GRIN2A: variants seen among roughly 807,000 people sequenced by gnomAD.
GRIN2A encodes the protein glutamate ionotropic receptor NMDA type subunit 2A.
GRIN2A carries 22 observed loss-of-function variants against 113.4 expected under a neutral mutation model. The observed-to-expected ratio is 0.19, with a 90% CI of 0.14 to 0.28. GRIN2A has a LOEUF of 0.28. GRIN2A is among the 10% of genes least tolerant of loss of function. GRIN2A has a pLI of 1.00. For missense variants in GRIN2A, 1,502 were observed against 1,887.0 expected (o/e 0.80, Z 3.78); for synonymous variants, 827 against 738.4 (o/e 1.12, Z -1.94).
chr16:9,892,023 G>A (rs2043704522), intron 3 of GRIN2A, among the ~76,000 whole-genome samples: 1 of 152,186 alleles, frequency 6.6e-6, no homozygotes, highest in African/African-American at 2.4e-5. Flanking sequence ...GAAGTCAGGA[G>A]TTCGAGACCA....
chr16:9,966,432 C>T (rs2045557739), intron 2 of GRIN2A, among the ~76,000 whole-genome samples: 1 of 152,184 alleles, frequency 6.6e-6, no homozygotes, highest in African/African-American at 2.4e-5. Flanking sequence ...ATCCATGTCC[C>T]TGCACAGGAC....
intron 2 of GRIN2A, among the ~76,000 whole-genome samples, chr16:10,097,545 C>A (rs573856514): frequency 1.3e-5 from 2 of 152,256 alleles, no homozygotes; most frequent in Admixed American, 6.5e-5. Flanking sequence ...TGCTCTTCCT[C>A]CTGGTCCCTA....
chr16:9,862,168 T>C (rs756604594), intron 4 of GRIN2A, among the ~76,000 whole-genome samples: 32 of 152,326 alleles, frequency 2.1e-4, no homozygotes, highest in Non-Finnish European at 3.4e-4. Context: ...AAGAACAAGA[T>C]GGAAATCTTT....
intron 7 of GRIN2A, among the ~76,000 whole-genome samples, chr16:9,840,059 A>G (rs1350198742): frequency 1.3e-5 from 2 of 152,200 alleles, no homozygotes; most frequent in African/African-American, 4.8e-5. Context: ...CAGAGGCCGC[A>G]GTAAGCCAAG....
At chr16:9,834,451 G>A (rs556033377) in intron 7 of GRIN2A, among the ~76,000 whole-genome samples, 15 of 152,102 alleles carry the variant, frequency 9.9e-5, no homozygotes, top group East Asian at 9.7e-4. Context: ...GCACAATTTC[G>A]ACTTGCTGCA....
chr16:9,769,396 A>G (rs1901119673), intron 11 of GRIN2A, among the ~76,000 whole-genome samples: 1 of 146,676 alleles, frequency 6.8e-6, no homozygotes, highest in South Asian at 2.1e-4. Context: ...TATTATATAC[A>G]TATATAATAT....
chr16:9,998,363 A>T (rs930902704), intron 2 of GRIN2A, among the ~76,000 whole-genome samples: 1 of 152,200 alleles, frequency 6.6e-6, no homozygotes, highest in African/African-American at 2.4e-5. Context: ...GACAGAAATT[A>T]GATTATTGGT....
intron 2 of GRIN2A, among the ~76,000 whole-genome samples, chr16:10,050,911 CAT>C (rs1222232310): frequency 5.9e-5 from 9 of 152,164 alleles, no homozygotes; most frequent in Non-Finnish European, 8.8e-5. Context: ...TCCTCCAAAA[CAT>C]ATAATTTATA....
At chr16:10,040,927 G>A (rs1278290758) in intron 2 of GRIN2A, among the ~76,000 whole-genome samples, 2 of 152,184 alleles carry the variant, frequency 1.3e-5, no homozygotes, top group Non-Finnish European at 2.9e-5. Context: ...CCCCTCTGCC[G>A]CAGGCTGGAA....
At chr16:9,823,832 C>G (rs767529073) in intron 9 of GRIN2A, among the ~76,000 whole-genome samples, 6 of 152,136 alleles carry the variant, frequency 3.9e-5, no homozygotes, top group Admixed American at 6.5e-5. Context: ...CTCTATCATT[C>G]CTCAGAGACC....
chr16:9,910,771 C>G (rs2044119393), intron 3 of GRIN2A, among the ~76,000 whole-genome samples: 1 of 152,116 alleles, frequency 6.6e-6, no homozygotes, highest in South Asian at 2.1e-4. Context: ...CTCCTGACCT[C>G]AGACCATCTG....
intron 2 of GRIN2A, chr16:10,033,632 T>C (rs1388650025): frequency 6.6e-6 from 1 of 152,206 alleles, no homozygotes; most frequent in Non-Finnish European, 1.5e-5. Flanking sequence ...TGCTCAGAAA[T>C]GAAAGCTATG....
intron 2 of GRIN2A, among the ~76,000 whole-genome samples, chr16:10,165,436 G>T (rs569777815): frequency 6.7e-6 from 1 of 148,756 alleles, no homozygotes; most frequent in South Asian, 2.1e-4. Flanking sequence ...AAATACATAT[G>T]TATAGATTAC....
chr16:10,005,237 A>C (rs2046385752), intron 2 of GRIN2A, among the ~76,000 whole-genome samples: 1 of 152,218 alleles, frequency 6.6e-6, no homozygotes, highest in African/African-American at 2.4e-5. Context: ...TATTGATATA[A>C]AAAGTGACAG....
Position 9,834,165 on chromosome 16 carries a change from C to G in GRIN2A, c.1717G>C (p.Val573Leu), listed in dbSNP as rs765726510. ...GGGCTGAAGTATTCAAAGACAAAAA[C>G]AGCTATGGCAGAAACAATGAGCAGC... ...VMLLIVSAIA[V>L]FVFEYFSPVG... Residue 573 changes from valine (V) to leucine (L), a missense_variant, in exon 8 of 13, where the codon GTT becomes CTT. This residue lies in a region of GRIN2A where 82 missense variants were observed against 222.7 expected (regional missense o/e 0.37). Transcript: ENST00000330684. 6.2e-7 allele frequency: 1 copy of G among 1,613,506 alleles called. No individual in the cohort carries two copies. Among genetic ancestry groups the G allele is most frequent in the Non-Finnish European group, 8.5e-7 (1 of 1,179,450 alleles).
At chr16:10,029,194 C>CT (rs898532047) in intron 2 of GRIN2A, among the ~76,000 whole-genome samples, 68 of 147,466 alleles carry the variant, frequency 4.6e-4, no homozygotes, top group Admixed American at 1.2e-3. Flanking sequence ...ATTGCACACA[C>CT]TTTTTTTTTT....
At chr16:10,112,413 G>T in intron 2 of GRIN2A, 1 of 723,492 alleles carries the variant, frequency 1.4e-6, no homozygotes, top group Non-Finnish European at 2.6e-6. Context: ...CCAGGGCACT[G>T]CTGTGTACAA....
chr16:10,089,235 AT>A (rs1386336776), intron 2 of GRIN2A, among the ~76,000 whole-genome samples: 7 of 152,318 alleles, frequency 4.6e-5, no homozygotes, highest in South Asian at 4.1e-4. Context: ...GAAGCTGATG[AT>A]CCCCGAGGAG....
At chr16:9,854,587 C>T (rs2042937051) in intron 4 of GRIN2A, among the ~76,000 whole-genome samples, 2 of 152,062 alleles carry the variant, frequency 1.3e-5, no homozygotes, top group African/African-American at 4.8e-5. Flanking sequence ...AGATGGCAGC[C>T]AAAAATATCT....
Sources: allele counts gnomAD v4.1 joint callset (sites outside exome capture counted in the v4.1 genomes callset), GRCh38; gene constraint gnomAD v4.1.1; regional missense constraint gnomAD v4.1.1; transcripts MANE v1.5; gene names NCBI Gene and HGNC (gene_info 2026-07-23, HGNC 2026-07-21).